Variants in FRMD4A observed in about 807,000 individuals in gnomAD.
The protein encoded by FRMD4A is FERM domain containing 4A, also known as FERM domain-containing protein 4A.
In FRMD4A, 29 loss-of-function variants were observed where a neutral mutation model predicts 129.1. The observed-to-expected ratio is 0.22, with a 90% CI of 0.17 to 0.31. The LOEUF (loss-of-function observed/expected upper bound fraction) is 0.31, where lower values mean the gene tolerates loss of function less well. Among genes scored for constraint, FRMD4A ranks in the 10% least tolerant of loss-of-function variants. The pLI is 1.00. For missense variants in FRMD4A, 1,272 were observed against 1,375.8 expected (o/e 0.92, Z 1.19); for synonymous variants, 634 against 571.6 (o/e 1.11, Z -1.56).
At chr10:14,018,291 CAAA>C (rs556449482) in intron 2 of FRMD4A, among the ~76,000 whole-genome samples, 3,075 of 121,978 alleles carry the variant, frequency 0.025, 107 homozygotes, top group African/African-American at 0.087. Context: ...ACTAAAAATA[CAAA>C]AAAAAAAAAA....
At chr10:13,704,335 C>T (rs1232411518) in intron 13 of FRMD4A, among the ~76,000 whole-genome samples, 2 of 152,212 alleles carry the variant, frequency 1.3e-5, no homozygotes, top group Admixed American at 6.5e-5. Flanking sequence ...CCATTCCTGC[C>T]TGTCTGCAGG....
At chr10:13,960,761 C>T (rs563779884) in intron 2 of FRMD4A, among the ~76,000 whole-genome samples, 2 of 152,232 alleles carry the variant, frequency 1.3e-5, no homozygotes, top group African/African-American at 4.8e-5. Context: ...GGTCATGTGA[C>T]CAAGTTCTGG....
chr10:14,100,965 G>A (rs1361516828), intron 2 of FRMD4A, among the ~76,000 whole-genome samples: 2 of 152,084 alleles, frequency 1.3e-5, no homozygotes, highest in Non-Finnish European at 2.9e-5. Flanking sequence ...TCCTCACAAC[G>A]TGTGGGTTGG....
chr10:14,125,279 C>A (rs546017993), intron 2 of FRMD4A, among the ~76,000 whole-genome samples: 1 of 152,292 alleles, frequency 6.6e-6, no homozygotes, highest in East Asian at 1.9e-4. Flanking sequence ...TCCCCAGCTG[C>A]TTCTCCACTG....
chr10:14,120,348 T>A (rs1838436725), intron 2 of FRMD4A, among the ~76,000 whole-genome samples: 1 of 152,136 alleles, frequency 6.6e-6, no homozygotes, highest in Non-Finnish European at 1.5e-5. Flanking sequence ...GAAGCCTTCC[T>A]TGAGTTCCCT....
chr10:13,968,821 G>A (rs181056021), intron 2 of FRMD4A, among the ~76,000 whole-genome samples: 94 of 146,476 alleles, frequency 6.4e-4, no homozygotes, highest in Middle Eastern at 3.4e-3. Flanking sequence ...GAAAGCAAAG[G>A]CTAGGAGTGA....
intron 2 of FRMD4A, among the ~76,000 whole-genome samples, chr10:14,294,487 A>AC (rs1351028016): frequency 1.3e-5 from 2 of 152,196 alleles, no homozygotes; most frequent in African/African-American, 4.8e-5. Flanking sequence ...TCCATAGTTC[A>AC]CTGACCCTCA....
At chr10:14,027,379 G>A (rs529998735) in intron 2 of FRMD4A, among the ~76,000 whole-genome samples, 16 of 152,306 alleles carry the variant, frequency 1.1e-4, no homozygotes, top group African/African-American at 3.6e-4. Flanking sequence ...GGTGGCTCAC[G>A]CCTATAATCC....
chr10:13,722,303 C>T (rs557864373), intron 12 of FRMD4A, among the ~76,000 whole-genome samples: 6 of 148,560 alleles, frequency 4.0e-5, no homozygotes, highest in East Asian at 4.0e-4. Context: ...GCGATCATAG[C>T]TCACTGCAGC....
chr10:13,950,964 G>C (rs1418808618), intron 2 of FRMD4A, among the ~76,000 whole-genome samples: 1 of 152,188 alleles, frequency 6.6e-6, no homozygotes, highest in African/African-American at 2.4e-5. Context: ...GATTCGAAGG[G>C]AGTAGAGAGA....
intron 2 of FRMD4A, among the ~76,000 whole-genome samples, chr10:14,105,184 G>A (rs1187028174): frequency 1.3e-5 from 2 of 152,166 alleles, no homozygotes; most frequent in Admixed American, 6.5e-5. Flanking sequence ...TCTTTTCATG[G>A]TCACTTGTTT....
chr10:13,892,686 C>T (rs1032735213), intron 2 of FRMD4A, among the ~76,000 whole-genome samples: 1 of 152,158 alleles, frequency 6.6e-6, no homozygotes, highest in Non-Finnish European at 1.5e-5. Context: ...AAGTCTTTCT[C>T]TAGAATTTCC....
At chr10:14,089,647 A>AAAAC (rs1452755411) in intron 2 of FRMD4A, among the ~76,000 whole-genome samples, 1 of 151,660 alleles carries the variant, frequency 6.6e-6, no homozygotes, top group Non-Finnish European at 1.5e-5. Context: ...AAACAAACAA[A>AAAAC]AAAAAAACAG....
chr10:14,201,431 T>C (rs1296019985), intron 2 of FRMD4A, among the ~76,000 whole-genome samples: 1 of 152,170 alleles, frequency 6.6e-6, no homozygotes, highest in Non-Finnish European at 1.5e-5. Flanking sequence ...TCTGGGGGCA[T>C]TGCAAAGAGA....
chr10:14,273,421 T>C (rs1845232697), intron 2 of FRMD4A, among the ~76,000 whole-genome samples: 1 of 152,220 alleles, frequency 6.6e-6, no homozygotes, highest in South Asian at 2.1e-4. Flanking sequence ...CTCCTACTCA[T>C]AACACTTACT....
intron 2 of FRMD4A, among the ~76,000 whole-genome samples, chr10:13,873,223 G>A (rs2094456997): frequency 6.9e-6 from 1 of 145,350 alleles, no homozygotes; most frequent in East Asian, 2.0e-4. Flanking sequence ...GTTAGATGGA[G>A]ACCCCAGACA....
intron 2 of FRMD4A, among the ~76,000 whole-genome samples, chr10:13,948,316 T>C (rs2095347302): frequency 3.3e-5 from 5 of 152,158 alleles, no homozygotes; most frequent in Admixed American, 3.3e-4. Context: ...CCTCCCAAAG[T>C]GCTGGGATTA....
intron 2 of FRMD4A, among the ~76,000 whole-genome samples, chr10:13,949,605 A>T (rs1050005922): frequency 2.0e-5 from 3 of 152,244 alleles, no homozygotes; most frequent in African/African-American, 7.2e-5. Context: ...TATTGCCAAG[A>T]CTTTTCAAAA....
intron 2 of FRMD4A, among the ~76,000 whole-genome samples, chr10:14,328,224 G>A (rs532666744): frequency 3.9e-5 from 6 of 152,010 alleles, no homozygotes; most frequent in South Asian, 4.2e-4. Flanking sequence ...CCTTTTTTCC[G>A]GGCAGGAGGA....
Sources: gnomAD v4.1 joint callset for allele counts (sites outside exome capture counted in the v4.1 genomes callset) on GRCh38, gnomAD v4.1.1 for gene constraint, MANE v1.5 for transcripts, NCBI Gene and HGNC (gene_info 2026-07-23, HGNC 2026-07-21) for gene names.